Variants in SORL1 observed in about 807,000 individuals in gnomAD.
SORL1 encodes the protein sortilin related receptor 1.
SORL1 carries 127 observed loss-of-function variants against 273.7 expected under a neutral mutation model. The ratio of observed to expected loss-of-function variants is 0.46; its 90% CI spans 0.40 to 0.54. The LOEUF (loss-of-function observed/expected upper bound fraction) is 0.54. Among genes scored for constraint, SORL1 ranks in the 20% least tolerant of loss-of-function variants. The pLI is 0.00. For missense variants in SORL1, 2,494 were observed against 2,846.1 expected (o/e 0.88, Z 2.81); for synonymous variants, 1,031 against 1,067.4 (o/e 0.97, Z 0.66).
chr11:121,595,508 C>G lies in SORL1; in HGVS notation c.4370-115C>G. The G allele has an allele frequency of 1.1e-6, 1 of 945,862 alleles. No homozygotes were observed. Among genetic ancestry groups the G allele is most frequent in the East Asian group, 2.6e-5 (1 of 38,130 alleles). The allele number at this position is 945,862 out of a possible 1,614,324, so 58.6% of individuals were successfully genotyped here. On this transcript the variant is annotated intron_variant, in intron 31 of 47. Coordinates refer to ENST00000260197, the MANE Select transcript of SORL1 (RefSeq NM_003105.6). The surrounding 1 kb of genome is among the most constrained non-coding windows in gnomAD (Gnocchi z 5.1). Reference sequence around the variant, plus strand: ...TCTATCCGGAACTCGCATTTGTCTTCAGGTTCCCATTGTAATTTCTAAAGC... The same window carrying G: ...TCTATCCGGAACTCGCATTTGTCTTGAGGTTCCCATTGTAATTTCTAAAGC...
chr11:121,488,141 G>C lies in SORL1; in HGVS notation c.638G>C (p.Ser213Thr). 1 of 1,614,180 alleles carries C rather than the reference G, an allele frequency of 6.2e-7. No homozygotes were observed. Among genetic ancestry groups the C allele is most frequent in the Non-Finnish European group, 8.5e-7 (1 of 1,180,044 alleles). Residue 213 changes from serine to threonine, a missense_variant, in exon 4 of 48, where the codon AGT (serine) becomes ACT (threonine). Ser to Thr is a moderately conservative substitution (Grantham distance 58). Around this residue, in one of 3 missense-constraint regions of SORL1, gnomAD observed 710 missense variants for 882.5 expected, o/e 0.80. Coordinates refer to ENST00000260197, the MANE Select transcript of SORL1 (RefSeq NM_003105.6). ...PFRAADLLLH[S>T]KASNLLLGFD... ...CGGGCAGCTGATCTCCTCCTACACA[G>C]TAAGGCCTCCAACCTTCTCTTGGGC...
chr11:121,477,743 T>A (rs540211090), intron 2 of SORL1, among the ~76,000 whole-genome samples: 1 of 152,238 alleles, frequency 6.6e-6, no homozygotes, highest in South Asian at 2.1e-4. Flanking sequence ...GAAAGAGATC[T>A]TTCTGCTTGG....
At chr11:121,589,865 A>C (rs796896737) in intron 29 of SORL1, among the ~76,000 whole-genome samples, 175 bp from the exon 30 acceptor site, 4 of 152,230 alleles carry the variant, frequency 2.6e-5, no homozygotes, top group African/African-American at 9.6e-5. Flanking sequence ...GGTTTTGTTT[A>C]GTTTGTAGGT....
In SORL1 at chr11:121,550,489, C is replaced by T; in HGVS notation, c.2181-96C>T. 2 of 978,190 alleles carry T rather than the reference C, an allele frequency of 2.0e-6. No individual in the cohort carries two copies. The highest frequency in any genetic ancestry group is 3.3e-6 in the Non-Finnish European group (2 of 614,536). The allele number at this position is 978,190 out of a possible 1,614,324, so 60.6% of individuals were successfully genotyped here. Reference sequence around the variant, plus strand: ...CTAAAGAGAAATGAGTGGATGGACTCTACTGGCCGTGGGTAGTAAGTGTAT... The same window carrying T: ...CTAAAGAGAAATGAGTGGATGGACTTTACTGGCCGTGGGTAGTAAGTGTAT... On this transcript the variant is annotated intron_variant, in intron 15 of 47. Transcript: ENST00000260197. The surrounding 1 kb of genome is among the most constrained non-coding windows in gnomAD (Gnocchi z 5.3).
Position 121,456,577 on chromosome 11 carries a change from C to T in SORL1, c.285+3961C>T, listed in dbSNP as rs567732114. On this transcript the variant is annotated intron_variant, in intron 1 of 47. Transcript: ENST00000260197. ...TACAGATAGTGGAGCCCTGATTTGC[C>T]TGTGCTATATGGGAGTTATTTTCAA... Among the ~76,000 whole-genome samples the T allele has an allele frequency of 2.0e-5, 3 of 152,316 alleles. No homozygotes were observed. The South Asian group carries it at 6.2e-4, about 32-fold the overall frequency.
chr11:121,560,297 G>A (rs1458590710), intron 21 of SORL1, among the ~76,000 whole-genome samples: 1 of 152,240 alleles, frequency 6.6e-6, no homozygotes, highest in Non-Finnish European at 1.5e-5. Flanking sequence ...ATTGCAGTGG[G>A]TGCAGACAGT....
chr11:121,520,619 C>T (rs1862025261), intron 8 of SORL1, 38 bp from the exon 9 acceptor site: 1 of 1,378,128 alleles, frequency 7.3e-7, no homozygotes, highest in Non-Finnish European at 9.9e-7. Flanking sequence ...CAAGCAAATA[C>T]CAATTCAGGT....
intron 17 of SORL1, 117 bp from the exon 18 acceptor site, chr11:121,555,070 A>T: frequency 3.5e-6 from 4 of 1,137,632 alleles, no homozygotes; most frequent in Non-Finnish European, 1.2e-6. Context: ...CTAACGTAAA[A>T]CATCTCATCC....
Position 121,561,690 on chromosome 11 carries a change from GAA to G in SORL1, c.3049+2049_3049+2050del, listed in dbSNP as rs34672730. ...GGTGACAGAGTGAGACCCTGTCACC[GAA>G]AAAAAAAAAAAAAAAGGCTGGGGGA... is the stretch of plus-strand genomic sequence containing the variant. On this transcript the variant is annotated intron_variant, in intron 21 of 47. Coordinates refer to ENST00000260197, the MANE Select transcript of SORL1 (RefSeq NM_003105.6). Among the ~76,000 whole-genome samples, 9 of 109,904 alleles carry G rather than the reference GAA, an allele frequency of 8.2e-5. No individual in the cohort carries two copies. The South Asian group carries it at 1.4e-3, about 17-fold the overall frequency. 72.1% of individuals were successfully genotyped at this position (109,904 alleles called of 152,430 possible). A position where few individuals can be genotyped will look rare whatever the true frequency, so the allele number is the denominator to read the frequency against.
At chr11:121,525,376 A>G (rs745760737) in intron 11 of SORL1, among the ~76,000 whole-genome samples, 1 of 152,268 alleles carries the variant, frequency 6.6e-6, no homozygotes, top group Non-Finnish European at 1.5e-5. Flanking sequence ...GTTGATAAAC[A>G]TTCCAGTTTT....
intron 23 of SORL1, among the ~76,000 whole-genome samples, chr11:121,572,376 A>G (rs1305310708): frequency 1.3e-5 from 2 of 152,040 alleles, no homozygotes. Context: ...CTTGGCGTGA[A>G]TGTCAGCTGG....
chr11:121,556,095 C>A (rs1862577757), intron 18 of SORL1, among the ~76,000 whole-genome samples: 1 of 152,204 alleles, frequency 6.6e-6, no homozygotes, highest in South Asian at 2.1e-4. Flanking sequence ...CTTATGCTTT[C>A]TAAACTTCAG....
chr11:121,619,969 G>T (rs761566541), intron 43 of SORL1, 52 bp downstream of exon 43: 2 of 1,458,234 alleles, frequency 1.4e-6, no homozygotes, highest in Non-Finnish European at 1.9e-6. Context: ...CCTGGTTAGG[G>T]TGGGGTGGGA....
Position 121,590,165 on chromosome 11 carries a change from G to A in SORL1, c.4204G>A (p.Asp1402Asn). 1 of 1,614,134 alleles carries A rather than the reference G, an allele frequency of 6.2e-7. No homozygotes were observed. The highest frequency in any genetic ancestry group is 1.3e-5 in the African/African-American group (1 of 75,052). ...CTGTGGGGACTGGTCTGATGAGAAG[G>A]ATTGTGGAGGTAAGAGGCCCCTGGG... ...NDCGDWSDEK[D>N]CGDSHILPFS... The change falls in exon 30 of 48, where the codon GAT becomes AAT. Residue 1402 changes from aspartate (D) to asparagine (N), a missense_variant. This residue lies in a region of SORL1 where 1,609 missense variants were observed against 1,816.4 expected (regional missense o/e 0.89). Transcript: ENST00000260197.
intron 3 of SORL1, among the ~76,000 whole-genome samples, chr11:121,481,182 G>A (rs1438577093): frequency 2.7e-5 from 3 of 110,262 alleles, no homozygotes; most frequent in Admixed American, 8.8e-5. Context: ...CCTATAGGCA[G>A]GCTCCATCTC....
At chr11:121,611,256 A>C in intron 39 of SORL1, 98 bp downstream of exon 39, 1 of 806,782 alleles carries the variant, frequency 1.2e-6, no homozygotes. Context: ...AACAAAAAAC[A>C]AAAAACAAAA....
Position 121,452,849 on chromosome 11 carries a change from C to A in SORL1, c.285+233C>A, listed in dbSNP as rs1367148672. On this transcript the variant is annotated intron_variant, in intron 1 of 47. Coordinates refer to ENST00000260197, the MANE Select transcript of SORL1 (RefSeq NM_003105.6). This position sits in a 1 kb window ranked among gnomAD's most constrained non-coding sequence, Gnocchi z 5.3. ...TCCAGGTAACTCGCCGGGTGCAGTG[C>A]GTATTACCCCAGGGTGTGTGCAGAG... is the stretch of plus-strand genomic sequence containing the variant. 3 of 464,422 alleles carry A rather than the reference C, an allele frequency of 6.5e-6. No individual in the cohort carries two copies. Among genetic ancestry groups the A allele is most frequent in the Non-Finnish European group, 1.1e-5 (3 of 265,162 alleles). 28.8% of individuals were successfully genotyped at this position (464,422 alleles called of 1,614,324 possible).
chr11:121,576,296 C>T (rs543883228), intron 24 of SORL1, among the ~76,000 whole-genome samples: 2 of 152,342 alleles, frequency 1.3e-5, no homozygotes, highest in South Asian at 4.1e-4. Flanking sequence ...GGTACCTTCA[C>T]TGCAGCGTCA....
At chr11:121,525,260 G>A (rs1457472987) in intron 11 of SORL1, among the ~76,000 whole-genome samples, 3 of 152,142 alleles carry the variant, frequency 2.0e-5, no homozygotes, top group Non-Finnish European at 1.5e-5. Flanking sequence ...CACACATCAC[G>A]ATGATTTTGG....
Sources: allele counts gnomAD v4.1 joint callset (sites outside exome capture counted in the v4.1 genomes callset), GRCh38; gene constraint gnomAD v4.1.1; regional missense constraint gnomAD v4.1.1; non-coding constraint Gnocchi (gnomAD v3.1); transcripts MANE v1.5; gene names NCBI Gene and HGNC (gene_info 2026-07-23, HGNC 2026-07-21).